The following GPR176 variants were observed in gnomAD, a reference collection of about 807,000 sequenced individuals.
GPR176 encodes G protein-coupled receptor 176.
In GPR176, 26 loss-of-function variants were observed where a neutral mutation model predicts 35.4. That is an observed-to-expected ratio of 0.74 (90% CI 0.54 to 1.02). GPR176 has a LOEUF of 1.02. Ranked by LOEUF, GPR176 falls within the 50% of genes least tolerant of loss-of-function variation. GPR176 has a pLI of 0.00. For missense variants in GPR176, 597 were observed against 665.3 expected (o/e 0.90, Z 1.13); for synonymous variants, 278 against 271.3 (o/e 1.02, Z -0.24).
chr15:39,813,888 T>C (rs888198644), intron 1 of GPR176, among the ~76,000 whole-genome samples: 1 of 152,188 alleles, frequency 6.6e-6, no homozygotes, highest in African/African-American at 2.4e-5. Context: ...GAATATTTAC[T>C]GAGGATAAAT....
chr15:39,827,211 T>A (rs1900722503), intron 1 of GPR176, among the ~76,000 whole-genome samples: 1 of 152,182 alleles, frequency 6.6e-6, no homozygotes, highest in African/African-American at 2.4e-5. Flanking sequence ...CACATGCAGT[T>A]GAGCTTCATG....
In GPR176 at chr15:39,920,213, G is replaced by A. The variant is rs1210020543; in HGVS notation, c.-187C>T. ...GCCCGGGAGGCGGGGAGGGAGGGAG[G>A]CGCGGCTGCGCCCCATGCCCACTCC... On this transcript the variant is annotated 5_prime_UTR_variant, in exon 1 of 3. Coordinates refer to ENST00000561100, the MANE Select transcript of GPR176 (RefSeq NM_007223.3). 9.8e-6 allele frequency: 4 copies of A among 408,612 alleles called. No homozygotes were observed. In the South Asian group the frequency reaches 2.7e-4, roughly 28 times the overall value. 25.3% of individuals were successfully genotyped at this position (408,612 alleles called of 1,614,324 possible). A position where few individuals can be genotyped will look rare whatever the true frequency, so the allele number is the denominator to read the frequency against.
intron 1 of GPR176, among the ~76,000 whole-genome samples, chr15:39,877,237 T>G (rs1457319614): frequency 2.0e-5 from 3 of 152,052 alleles, no homozygotes; most frequent in African/African-American, 7.2e-5. Context: ...AAGTTACTGT[T>G]GCCAGAAAAC....
intron 1 of GPR176, among the ~76,000 whole-genome samples, chr15:39,879,570 C>G (rs1309449078): frequency 6.6e-6 from 1 of 152,160 alleles, no homozygotes; most frequent in Admixed American, 6.5e-5. Context: ...ACTCCCCTTT[C>G]CTCTCTAACC....
chr15:39,893,962 A>AC (rs1392710635), intron 1 of GPR176, among the ~76,000 whole-genome samples: 2 of 91,636 alleles, frequency 2.2e-5, no homozygotes, highest in African/African-American at 4.5e-5. Context: ...CGGGGGGCTG[A>AC]CCCCCCCACC....
chr15:39,801,407 G>A lies in GPR176; in HGVS notation c.1273C>T (p.Leu425=), dbSNP rs756467212. The part of the protein sequence containing the change: ...GPQFAPSAPP[L]STVDSVSQVA... ...TGGGATACAGAGTCCACTGTGCTCA[G>A]GGGTGGGGCAGAGGGCGCAAACTGT... The change falls in exon 3 of 3, where the codon CTG becomes TTG. Residue 425 remains leucine, a synonymous_variant. Transcript: ENST00000561100. The A allele has an allele frequency of 1.9e-6, 3 of 1,614,230 alleles. No individual in the cohort carries two copies. Among genetic ancestry groups the A allele is most frequent in the South Asian group, 2.2e-5 (2 of 91,086 alleles).
intron 1 of GPR176, among the ~76,000 whole-genome samples, chr15:39,823,981 T>C (rs548838948): frequency 6.6e-6 from 1 of 152,254 alleles, no homozygotes; most frequent in Non-Finnish European, 1.5e-5. Context: ...GTGGCCTCCA[T>C]TGTTAGAAGT....
At chr15:39,852,757 T>G (rs188611093) in intron 1 of GPR176, among the ~76,000 whole-genome samples, 1 of 152,310 alleles carries the variant, frequency 6.6e-6, no homozygotes, top group African/African-American at 2.4e-5. Context: ...AGGGCACATA[T>G]TTAAATATAA....
At chr15:39,864,786 G>A (rs1479897695) in intron 1 of GPR176, among the ~76,000 whole-genome samples, 2 of 151,886 alleles carry the variant, frequency 1.3e-5, no homozygotes, top group Non-Finnish European at 2.9e-5. Flanking sequence ...TGTAAACTAT[G>A]CATCTGACAG....
At chr15:39,825,112 T>C (rs1021124630) in intron 1 of GPR176, among the ~76,000 whole-genome samples, 6 of 152,126 alleles carry the variant, frequency 3.9e-5, no homozygotes, top group African/African-American at 1.4e-4. Flanking sequence ...GAGGCTGAGA[T>C]ACGAGGATCA....
intron 1 of GPR176, among the ~76,000 whole-genome samples, chr15:39,894,231 C>T (rs1351664995): frequency 1.0e-3 from 142 of 136,506 alleles, no homozygotes; most frequent in Middle Eastern, 4.3e-3. Context: ...CCCCTCACCT[C>T]CCGGACGGGG....
chr15:39,890,699 C>A (rs1207430429), intron 1 of GPR176, among the ~76,000 whole-genome samples: 1 of 152,180 alleles, frequency 6.6e-6, no homozygotes, highest in African/African-American at 2.4e-5. Flanking sequence ...ATCACCCAGA[C>A]AAAGGAACCC....
intron 1 of GPR176, among the ~76,000 whole-genome samples, chr15:39,836,754 G>C (rs1211638129): frequency 6.6e-6 from 1 of 152,008 alleles, no homozygotes; most frequent in African/African-American, 2.4e-5. Context: ...CTTTACTCTG[G>C]GTCCCCTTTA....
At chr15:39,873,816 C>T (rs2032142133) in intron 1 of GPR176, among the ~76,000 whole-genome samples, 1 of 151,916 alleles carries the variant, frequency 6.6e-6, no homozygotes, top group African/African-American at 2.4e-5. Flanking sequence ...TTCTTGTCCC[C>T]CTTTTGGCCA....
rs1174686619 is a variant in GPR176 at position 39,873,472 on chromosome 15, CA to C, written c.172+46382del. Among the ~76,000 whole-genome samples the C allele has an allele frequency of 4.6e-5, 7 of 152,266 alleles. No individual in the cohort carries two copies. The East Asian group carries it at 1.4e-3, about 29-fold the overall frequency. On this transcript the variant is annotated intron_variant, in intron 1 of 2. Coordinates refer to ENST00000561100, the MANE Select transcript of GPR176 (RefSeq NM_007223.3). ...CAGCTGTGCGCAGGTAGGGATATCA[CA>C]GGCCAAGATGACAGCATAGAACCGA...
At chr15:39,869,410 G>A (rs1339639848) in intron 1 of GPR176, among the ~76,000 whole-genome samples, 7 of 152,160 alleles carry the variant, frequency 4.6e-5, no homozygotes, top group African/African-American at 1.7e-4. Flanking sequence ...CATCGCTACC[G>A]AGCTGTGGAG....
chr15:39,899,633 G>T (rs1308534237), intron 1 of GPR176, among the ~76,000 whole-genome samples: 1 of 152,172 alleles, frequency 6.6e-6, no homozygotes, highest in Non-Finnish European at 1.5e-5. Flanking sequence ...CAAGAGGAAG[G>T]CAAGAAGTAG....
chr15:39,852,037 C>T (rs2030911233), intron 1 of GPR176, among the ~76,000 whole-genome samples: 1 of 152,138 alleles, frequency 6.6e-6, no homozygotes, highest in African/African-American at 2.4e-5. Flanking sequence ...CAATAACCTA[C>T]TGAAATATCC....
chr15:39,868,662 T>C (rs2031923465), intron 1 of GPR176, among the ~76,000 whole-genome samples: 1 of 152,172 alleles, frequency 6.6e-6, no homozygotes, highest in South Asian at 2.1e-4. Context: ...ATGCTCAGGA[T>C]AAAGGCTTTA....
Sources: allele counts gnomAD v4.1 joint callset (sites outside exome capture counted in the v4.1 genomes callset), GRCh38; gene constraint gnomAD v4.1.1; transcripts MANE v1.5; gene names NCBI Gene and HGNC (gene_info 2026-07-23, HGNC 2026-07-21).